The following ZNF208 variants were observed in gnomAD, a reference collection of about 807,000 sequenced individuals.
ZNF208 encodes zinc finger protein 208.
ZNF208 carries 10 observed loss-of-function variants against 12.1 expected under a neutral mutation model. The ratio of observed to expected loss-of-function variants is 0.83; its 90% CI spans 0.51 to 1.40. The LOEUF (loss-of-function observed/expected upper bound fraction) is 1.40, where lower values mean the gene tolerates loss of function less well. Ranked by LOEUF, ZNF208 falls within the 40% of genes most tolerant of loss-of-function variation. The probability of loss-of-function intolerance (pLI) is 0.00; values close to 1 mark genes in which losing one functional copy is unlikely to be tolerated. For synonymous variants in ZNF208, 497 were observed against 488.4 expected (o/e 1.02, Z -0.23); for missense variants, 1,652 against 1,485.0 (o/e 1.11, Z -1.85).
At chr19:21,988,947 T>C (rs754047811) in intron 1 of ZNF208, 38 bp from the exon 2 acceptor site, 12 of 1,606,476 alleles carry the variant, frequency 7.5e-6, no homozygotes, top group African/African-American at 4.1e-5. Flanking sequence ...CAACTGGACA[T>C]GGGCAGAATT....
In ZNF208 at chr19:21,972,465, C is replaced by T. The variant is rs1325604930; in HGVS notation, c.2569G>A (p.Gly857Arg). The change falls in exon 4 of 4, where the codon GGA (glycine) becomes AGA (arginine). Residue 857 changes from glycine (G) to arginine (R), a missense_variant. Transcript: ENST00000397126. Reference protein sequence around the residue: ...ILTKHKVIHTGEKPYKCEECG... With the variant: ...ILTKHKVIHTREKPYKCEECG... ...TCTTCACATTTGTAGGGTTTCTCTC[C>T]AGTATGAATTACCTTATGTTTAGTA... The T allele has an allele frequency of 1.2e-6, 2 of 1,612,822 alleles. No individual in the cohort carries two copies. The highest frequency in any genetic ancestry group is 2.7e-5 in the African/African-American group (2 of 74,770).
At chr19:22,002,033 G>T (rs1258942203) in intron 1 of ZNF208, among the ~76,000 whole-genome samples, 1 of 151,760 alleles carries the variant, frequency 6.6e-6, no homozygotes. Flanking sequence ...GGGATTTAAG[G>T]TTTGCTCAAC....
Position 21,974,469 on chromosome 19 carries a change from A to G in ZNF208, c.565T>C (p.Ser189Pro). The change falls in exon 4 of 4, where the codon TCT (serine) becomes CCT (proline). Residue 189 changes from serine (S) to proline (P), a missense_variant. Coordinates refer to ENST00000397126, the MANE Select transcript of ZNF208 (RefSeq NM_007153.3). ...VRSFCMLSHL[S>P]QHKRIYTREN... is the part of the protein sequence containing the mutation. The stretch of plus-strand genomic sequence containing the variant: ...CTAGTATAAATTCTTTTATGTTGAG[A>G]TAGGTGTGAAAGCATGCAAAATGAT... The G allele has an allele frequency of 6.2e-7, 1 of 1,613,630 alleles. No homozygotes were observed.
At chr19:22,010,642 G>T in intron 1 of ZNF208, 150 bp downstream of exon 1, 2 of 1,218,552 alleles carry the variant, frequency 1.6e-6, no homozygotes, top group Non-Finnish European at 2.4e-6. Flanking sequence ...CCATCTTATG[G>T]CTGAACCGGA....
intron 3 of ZNF208, among the ~76,000 whole-genome samples, chr19:21,985,247 A>G (rs569084729): frequency 2.0e-4 from 31 of 152,208 alleles, no homozygotes; most frequent in Admixed American, 4.6e-4. Flanking sequence ...AACCCCCAAC[A>G]GCAAGAAAGT....
At chr19:21,943,396 T>G (rs1969772748) in intron 4 of ZNF208, among the ~76,000 whole-genome samples, 1 of 152,198 alleles carries the variant, frequency 6.6e-6, no homozygotes, top group Admixed American at 6.5e-5. Context: ...GTCCTTATTT[T>G]GGGAGAGTAT....
chr19:22,000,082 G>T (rs1970916111), intron 1 of ZNF208, among the ~76,000 whole-genome samples: 1 of 152,180 alleles, frequency 6.6e-6, no homozygotes, highest in African/African-American at 2.4e-5. Flanking sequence ...AGAGACCTAT[G>T]AAGAGACTCA....
chr19:21,965,301 T>C (rs1970144745), downstream of ZNF208, among the ~76,000 whole-genome samples: 1 of 152,026 alleles, frequency 6.6e-6, no homozygotes, highest in Admixed American at 6.6e-5. Flanking sequence ...CTAGATGAAA[T>C]AACAATTACA....
chr19:21,943,418 T>C (rs572157316), intron 4 of ZNF208, among the ~76,000 whole-genome samples: 1 of 152,322 alleles, frequency 6.6e-6, no homozygotes, highest in Admixed American at 6.5e-5. Flanking sequence ...AAACAGACCA[T>C]TGCATGAACT....
chr19:21,981,861 T>A (rs1008640825), intron 3 of ZNF208, among the ~76,000 whole-genome samples: 6 of 152,178 alleles, frequency 3.9e-5, no homozygotes, highest in African/African-American at 1.2e-4. Context: ...TTCAGCAAAG[T>A]CTCAGAATAC....
rs574370105 is a variant in ZNF208 at position 21,988,764 on chromosome 19, G to A, written c.130+19C>T. 6.3e-5 allele frequency: 101 copies of A among 1,602,058 alleles called. No individual in the cohort carries two copies. Among genetic ancestry groups the A allele is most frequent in the Admixed American group, 2.0e-4 (12 of 58,608 alleles). On this transcript the variant is annotated intron_variant, in intron 2 of 3. Coordinates refer to ENST00000397126, the MANE Select transcript of ZNF208 (RefSeq NM_007153.3). ...ACCTGTAGTGTATACTAGGAATTGC[G>A]TATTAAAGTTATTCTCACCCAGGAA... is the stretch of plus-strand genomic sequence containing the variant.
At chr19:22,010,749 A>G in intron 1 of ZNF208, 43 bp downstream of exon 1, 2 of 1,614,152 alleles carry the variant, frequency 1.2e-6, no homozygotes, top group Admixed American at 3.3e-5. Flanking sequence ...GGTTCCAAGC[A>G]GCCCGGGCCA....
In ZNF208 at chr19:21,968,159, G is replaced by A. The variant is rs1970206142; in HGVS notation, c.*3032C>T. On this transcript the variant is annotated 3_prime_UTR_variant, in exon 4 of 4. Transcript: ENST00000397126. ...TTGGTGAAACCTTTAAAGTATTCTA[G>A]GTGGACAATTCTTTCATCAGTAAAG... is the stretch of plus-strand genomic sequence containing the variant. 1 of 151,984 alleles carries A rather than the reference G, an allele frequency of 6.6e-6. No homozygotes were observed. The highest frequency in any genetic ancestry group is 2.1e-4 in the South Asian group (1 of 4,820). 9.4% of individuals were successfully genotyped at this position (151,984 alleles called of 1,614,324 possible). A position where few individuals can be genotyped will look rare whatever the true frequency, so the allele number is the denominator to read the frequency against.
chr19:21,960,916 T>C (rs1026324641), intron 4 of ZNF208, among the ~76,000 whole-genome samples: 4 of 152,244 alleles, frequency 2.6e-5, no homozygotes, highest in Admixed American at 2.6e-4. Flanking sequence ...CCCTATTCAG[T>C]GTGAAGATGA....
intron 4 of ZNF208, among the ~76,000 whole-genome samples, chr19:21,949,783 A>G (rs1049889312): frequency 2.0e-5 from 3 of 152,202 alleles, no homozygotes; most frequent in Non-Finnish European, 4.4e-5. Flanking sequence ...TGGCTAGAGG[A>G]TGGCCAGCCT....
At chr19:21,943,698 G>T (rs757082454) in intron 4 of ZNF208, among the ~76,000 whole-genome samples, 1 of 152,090 alleles carries the variant, frequency 6.6e-6, no homozygotes, top group African/African-American at 2.4e-5. Flanking sequence ...AGATAGGATG[G>T]TCATTTCTAA....
chr19:21,974,485 G>A lies in ZNF208; in HGVS notation c.549C>T (p.Cys183=). The A allele has an allele frequency of 6.2e-7, 1 of 1,613,692 alleles. No homozygotes were observed. The highest frequency in any genetic ancestry group is 1.1e-5 in the South Asian group (1 of 91,066). ...TATGTTGAGATAGGTGTGAAAGCAT[G>A]CAAAATGATCTGACGTATTCTTTAC... ...LQCKEYVRSF[C]MLSHLSQHKR... The change falls in exon 4 of 4, where the codon TGC becomes TGT. Residue 183 remains cysteine, a synonymous_variant. Coordinates refer to ENST00000397126, the MANE Select transcript of ZNF208 (RefSeq NM_007153.3).
intron 4 of ZNF208, among the ~76,000 whole-genome samples, chr19:21,958,724 GGAA>G (rs1970016861): frequency 7.8e-6 from 1 of 128,256 alleles, no homozygotes; most frequent in Admixed American, 8.3e-5. Flanking sequence ...AACCAGCCCT[GGAA>G]GAAATCTTAG....
chr19:22,008,313 A>AAAAAG (rs980623817), intron 1 of ZNF208, among the ~76,000 whole-genome samples: 5 of 151,466 alleles, frequency 3.3e-5, no homozygotes, highest in East Asian at 1.9e-4. Context: ...AAAAAAAAAA[A>AAAAAG]AAAGAAAAAA....
Sources: gnomAD v4.1 joint callset for allele counts (sites outside exome capture counted in the v4.1 genomes callset) on GRCh38, gnomAD v4.1.1 for gene constraint, MANE v1.5 for transcripts, NCBI Gene and HGNC (gene_info 2026-07-23, HGNC 2026-07-21) for gene names.